Variants in TXNDC16 observed in about 807,000 individuals in gnomAD.
TXNDC16 encodes thioredoxin domain containing 16.
Under a neutral mutation model 85.6 loss-of-function variants are expected in TXNDC16, and 74 were observed. The observed-to-expected ratio is 0.86, with a 90% CI of 0.72 to 1.05. The LOEUF is 1.05. Ranked by LOEUF, TXNDC16 falls within the 50% of genes least tolerant of loss-of-function variation. TXNDC16 has a pLI of 0.00. For missense variants in TXNDC16, 959 were observed against 947.0 expected (o/e 1.01, Z -0.17); for synonymous variants, 335 against 326.5 (o/e 1.03, Z -0.28).
At chr14:52,530,850 A>T (rs907605912) in intron 6 of TXNDC16, among the ~76,000 whole-genome samples, 2 of 151,400 alleles carry the variant, frequency 1.3e-5, no homozygotes, top group African/African-American at 4.9e-5. Context: ...ATGCAGGCAT[A>T]TATTTTTAAA....
At chr14:52,495,069 G>A (rs180803984) in intron 9 of TXNDC16, among the ~76,000 whole-genome samples, 40 of 152,312 alleles carry the variant, frequency 2.6e-4, no homozygotes, top group Admixed American at 5.2e-4. Context: ...CTTGAGGGGT[G>A]TGCTTTGAGC....
In TXNDC16 at chr14:52,525,812, T is replaced by C. The variant is rs905437945; in HGVS notation, c.393-6519A>G. ...TCTCTCAGTATCCTCAGGGGATTGA[T>C]ATCCAGGATTGATTCTTGGATACCA... On this transcript the variant is annotated intron_variant, in intron 6 of 20. Coordinates refer to ENST00000281741, the MANE Select transcript of TXNDC16 (RefSeq NM_020784.3). 2.6e-5 allele frequency among the ~76,000 whole-genome samples: 4 copies of C among 151,442 alleles called. No individual in the cohort carries two copies. The South Asian group carries it at 8.3e-4, about 31-fold the overall frequency.
At chr14:52,551,061 G>A (rs2038033159) in intron 1 of TXNDC16, among the ~76,000 whole-genome samples, 1 of 152,044 alleles carries the variant, frequency 6.6e-6, no homozygotes, top group African/African-American at 2.4e-5. Flanking sequence ...TCAGCTGAAC[G>A]TTTCATCTGA....
chr14:52,488,084 C>T lies in TXNDC16; in HGVS notation c.1108+279G>A, dbSNP rs963775433. Among the ~76,000 whole-genome samples, 9 of 152,122 alleles carry T rather than the reference C, an allele frequency of 5.9e-5. No homozygotes were observed. The South Asian group carries it at 6.2e-4, about 11-fold the overall frequency. On this transcript the variant is annotated intron_variant, in intron 12 of 20. Transcript: ENST00000281741. Reference sequence around the variant, plus strand: ...TTTTTAAACATGGACTAGTCCAGAACGGCTGAAAGAACTGATATGGAAGAT... The same window carrying T: ...TTTTTAAACATGGACTAGTCCAGAATGGCTGAAAGAACTGATATGGAAGAT...
intron 1 of TXNDC16, among the ~76,000 whole-genome samples, chr14:52,550,019 T>C (rs1216230230): frequency 3.3e-5 from 5 of 152,220 alleles, no homozygotes; most frequent in African/African-American, 1.2e-4. Context: ...TAAATCTTTA[T>C]GCATTTGGAC....
intron 2 of TXNDC16, among the ~76,000 whole-genome samples, 200 bp from the exon 3 acceptor site, chr14:52,543,830 G>T (rs1056929598): frequency 7.2e-5 from 11 of 152,110 alleles, no homozygotes; most frequent in African/African-American, 2.7e-4. Flanking sequence ...ACTTGCAAAA[G>T]ATATCAAAAC....
At chr14:52,490,701 G>T in intron 10 of TXNDC16, 138 bp downstream of exon 10, 1 of 963,488 alleles carries the variant, frequency 1.0e-6, no homozygotes, top group Non-Finnish European at 1.5e-6. Context: ...ACAGATTTTA[G>T]CTCAGCAACT....
intron 4 of TXNDC16, among the ~76,000 whole-genome samples, chr14:52,541,017 C>T (rs993836867): frequency 1.3e-5 from 2 of 152,088 alleles, no homozygotes; most frequent in African/African-American, 4.8e-5. Context: ...GGGTGGATCA[C>T]CTGAGGTCAG....
chr14:52,443,014 G>A (rs1193345643), intron 18 of TXNDC16, among the ~76,000 whole-genome samples: 2 of 152,140 alleles, frequency 1.3e-5, no homozygotes, highest in Admixed American at 1.3e-4. Context: ...TAGGTGTGAT[G>A]GTTAATACTA....
At chr14:52,498,639 A>G (rs576536154) in intron 9 of TXNDC16, among the ~76,000 whole-genome samples, 4 of 152,192 alleles carry the variant, frequency 2.6e-5, no homozygotes, top group Non-Finnish European at 5.9e-5. Flanking sequence ...TATACTGAAA[A>G]CTACAAAACA....
In TXNDC16 at chr14:52,439,207, T is replaced by C. The variant is rs1032651674; in HGVS notation, c.2191A>G (p.Ile731Val). The change falls in exon 20 of 21, where the codon ATC (isoleucine) becomes GTC (valine). Residue 731 changes from isoleucine to valine, a missense_variant. Ile to Val is a conservative substitution (Grantham distance 29, BLOSUM62 3). Coordinates refer to ENST00000281741, the MANE Select transcript of TXNDC16 (RefSeq NM_020784.3). ...TTAAACAAAACAGAAAACTTACTGA[T>C]ATGATTTTCTAGTCCTGCTTCTAAT... ...KKLEAGLENH[I>V]TILPAQEWKP... The C allele has an allele frequency of 1.2e-6, 2 of 1,613,500 alleles. No individual in the cohort carries two copies. The highest frequency in any genetic ancestry group is 2.2e-5 in the South Asian group (2 of 91,006).
intron 16 of TXNDC16, among the ~76,000 whole-genome samples, 179 bp downstream of exon 16, chr14:52,469,858 A>T (rs1035665642): frequency 6.6e-6 from 1 of 152,222 alleles, no homozygotes; most frequent in Non-Finnish European, 1.5e-5. Context: ...AAAAAGATGG[A>T]AGAAATTACA....
intron 9 of TXNDC16, among the ~76,000 whole-genome samples, chr14:52,499,196 T>C (rs149234468): frequency 6.6e-6 from 1 of 152,104 alleles, no homozygotes; most frequent in Non-Finnish European, 1.5e-5. Context: ...TACCTAAACA[T>C]AAGACCTGAA....
chr14:52,530,805 A>G (rs533646811), intron 6 of TXNDC16, among the ~76,000 whole-genome samples: 23 of 150,306 alleles, frequency 1.5e-4, no homozygotes, highest in African/African-American at 5.6e-4. Context: ...TACAATAGAA[A>G]AAAAGATATA....
At chr14:52,488,585 C>T (rs2036324657) in intron 11 of TXNDC16, 99 bp from the exon 12 acceptor site, 2 of 986,886 alleles carry the variant, frequency 2.0e-6, no homozygotes, top group East Asian at 2.9e-5. Context: ...CCTGTAATCC[C>T]AGCACTTTGG....
intron 6 of TXNDC16, among the ~76,000 whole-genome samples, chr14:52,531,683 G>C (rs767059627): frequency 6.6e-6 from 1 of 152,154 alleles, no homozygotes; most frequent in Non-Finnish European, 1.5e-5. Flanking sequence ...TAGGCACAGA[G>C]CATTTTGGGG....
At chr14:52,463,194 T>TA (rs34848366) in intron 16 of TXNDC16, among the ~76,000 whole-genome samples, 19,576 of 141,864 alleles carry the variant, frequency 0.14, 1,594 homozygotes, top group East Asian at 0.37. Flanking sequence ...CCAGTTCAGA[T>TA]AAAAAAAAAA....
intron 9 of TXNDC16, among the ~76,000 whole-genome samples, chr14:52,500,449 G>A (rs376020231): frequency 3.9e-5 from 6 of 152,134 alleles, no homozygotes; most frequent in Middle Eastern, 3.2e-3. Flanking sequence ...CAAGGACTGC[G>A]GTCAGGTAGA....
At chr14:52,502,680 A>G (rs1435485156) in intron 9 of TXNDC16, among the ~76,000 whole-genome samples, 2 of 152,156 alleles carry the variant, frequency 1.3e-5, no homozygotes, top group African/African-American at 4.8e-5. Flanking sequence ...CTCCATTTCC[A>G]ACTGAGGTAC....
Sources: allele counts gnomAD v4.1 joint callset (sites outside exome capture counted in the v4.1 genomes callset), GRCh38; gene constraint gnomAD v4.1.1; transcripts MANE v1.5; gene names NCBI Gene and HGNC (gene_info 2026-07-23, HGNC 2026-07-21).